NT5C2: variants seen among roughly 807,000 people sequenced by gnomAD.
The protein encoded by NT5C2 is 5'-nucleotidase, cytosolic II.
In NT5C2, 58 loss-of-function variants were observed where a neutral mutation model predicts 76.1. That is an observed-to-expected ratio of 0.76 (90% CI 0.62 to 0.95). The LOEUF is 0.95. Ranked by LOEUF, NT5C2 falls within the 40% of genes least tolerant of loss-of-function variation. NT5C2 has a pLI of 0.00. For missense variants in NT5C2, 478 were observed against 690.3 expected (o/e 0.69, Z 3.45); for synonymous variants, 229 against 237.4 (o/e 0.96, Z 0.32).
chr10:103,131,064 T>C (rs906530219), intron 4 of NT5C2, among the ~76,000 whole-genome samples: 1 of 152,202 alleles, frequency 6.6e-6, no homozygotes, highest in African/African-American at 2.4e-5. Flanking sequence ...TAGGCAAATT[T>C]ACAGTGTGAT....
At chr10:103,118,383 G>T (rs1199730096) in intron 4 of NT5C2, among the ~76,000 whole-genome samples, 1 of 140,596 alleles carries the variant, frequency 7.1e-6, no homozygotes, top group African/African-American at 2.7e-5. Flanking sequence ...TTTTGGATAG[G>T]TCTCATTCTG....
Position 103,090,959 on chromosome 10 carries a change from T to C in NT5C2, c.1249A>G (p.Ser417Gly). ...DSSSNERPDI[S>G]SIQRRIKKVT... ...ACCTTAATACGTCTCTGGATGGAAC[T>C]GATGTCTGGACGCTCATTGCTACTG... is the stretch of plus-strand genomic sequence containing the variant. Residue 417 changes from serine to glycine, a missense_variant, in exon 17 of 19, where the codon AGT becomes GGT. By Grantham distance (56) the Ser-to-Gly change is moderately conservative (BLOSUM62 0). Transcript: ENST00000404739. 1 of 1,614,050 alleles carries C rather than the reference T, an allele frequency of 6.2e-7. No homozygotes were observed.
rs781108756 is a variant in NT5C2, at chr10:103,105,696, C to G, written c.389+10G>C. ...ACATTAGAAAGAGGCTAAAGGTTCTCTGTACTCACCCCCTTATAAAGTTAA... is the reference window on the plus strand; with the variant it reads ...ACATTAGAAAGAGGCTAAAGGTTCTGTGTACTCACCCCCTTATAAAGTTAA... On this transcript the variant is annotated intron_variant, in intron 6 of 18. Coordinates refer to ENST00000404739, the MANE Select transcript of NT5C2 (RefSeq NM_001351169.2). 16 of 1,573,870 alleles carry G rather than the reference C, an allele frequency of 1.0e-5. No homozygotes were observed. In the East Asian group the frequency reaches 2.5e-4, roughly 24 times the overall value.
intron 1 of NT5C2, among the ~76,000 whole-genome samples, chr10:103,187,155 C>A (rs1269687190): frequency 6.6e-6 from 1 of 152,044 alleles, no homozygotes; most frequent in Non-Finnish European, 1.5e-5. Context: ...GAGGCTGAGG[C>A]AGGAGAATCG....
chr10:103,135,743 G>A (rs964325742), intron 4 of NT5C2, among the ~76,000 whole-genome samples: 5 of 151,166 alleles, frequency 3.3e-5, no homozygotes, highest in South Asian at 2.1e-4. Flanking sequence ...AGCTGAGATC[G>A]CACCACTGCA....
chr10:103,123,037 C>T (rs962455713), intron 4 of NT5C2, among the ~76,000 whole-genome samples: 13 of 152,144 alleles, frequency 8.5e-5, no homozygotes, highest in Middle Eastern at 3.4e-3. Flanking sequence ...TTATAGGGGC[C>T]GCAACCATGA....
chr10:103,115,141 C>T (rs1445591041), intron 4 of NT5C2, among the ~76,000 whole-genome samples: 1 of 152,224 alleles, frequency 6.6e-6, no homozygotes, highest in Non-Finnish European at 1.5e-5. Flanking sequence ...TGGCTCACGC[C>T]TATAACCCCA....
Position 103,091,015 on chromosome 10 carries a change from C to G in NT5C2, c.1212-19G>C. 6.2e-7 allele frequency: 1 copy of G among 1,609,354 alleles called. No individual in the cohort carries two copies. The highest frequency in any genetic ancestry group is 8.5e-7 in the Non-Finnish European group (1 of 1,177,488). ...AAGATGCCTAAAGATAAAAGAAAAA[C>G]TCAGTGAAAATCTCTGGGAAGAGCT... On this transcript the variant is annotated intron_variant, in intron 16 of 18. Transcript: ENST00000404739.
chr10:103,127,103 A>G (rs1365599677), intron 4 of NT5C2, among the ~76,000 whole-genome samples: 3 of 152,034 alleles, frequency 2.0e-5, no homozygotes, highest in Non-Finnish European at 4.4e-5. Flanking sequence ...CATGGGAGCC[A>G]GTGCCTTTAG....
At chr10:103,173,708 C>T (rs1453719739) in intron 3 of NT5C2, among the ~76,000 whole-genome samples, 1 of 150,678 alleles carries the variant, frequency 6.6e-6, no homozygotes, top group Non-Finnish European at 1.5e-5. Context: ...AGGTGGATCA[C>T]GAGGTCTGGA....
At chr10:103,177,974 C>T (rs1478664920) in intron 2 of NT5C2, among the ~76,000 whole-genome samples, 3 of 152,208 alleles carry the variant, frequency 2.0e-5, no homozygotes. Context: ...CCAATCTGGA[C>T]TCTGTCTCTG....
chr10:103,092,155 C>T (rs12220743), intron 15 of NT5C2, among the ~76,000 whole-genome samples: 14,308 of 152,286 alleles, frequency 0.094, 879 homozygotes, highest in East Asian at 0.28. Context: ...CGGTGTGTTG[C>T]AGCCTTTGTC....
At chr10:103,141,569 G>A (rs2080433413) in intron 3 of NT5C2, among the ~76,000 whole-genome samples, 1 of 152,078 alleles carries the variant, frequency 6.6e-6, no homozygotes, top group Non-Finnish European at 1.5e-5. Context: ...ATTGTGTCCT[G>A]GCATTAAAAA....
intron 3 of NT5C2, chr10:103,153,457 C>G: frequency 1.0e-6 from 1 of 985,414 alleles, no homozygotes; most frequent in African/African-American, 1.7e-5. Flanking sequence ...CCTAACTAGG[C>G]AATATCTCAG....
intron 2 of NT5C2, among the ~76,000 whole-genome samples, chr10:103,176,280 T>C (rs371967255): frequency 9.2e-5 from 14 of 152,302 alleles, no homozygotes; most frequent in African/African-American, 3.4e-4. Flanking sequence ...TAAGGCCAGC[T>C]GAAGATAGGC....
At chr10:103,116,108 C>T (rs1045816769) in intron 4 of NT5C2, among the ~76,000 whole-genome samples, 13 of 151,808 alleles carry the variant, frequency 8.6e-5, no homozygotes, top group Non-Finnish European at 1.6e-4. Context: ...ACTAAAGGAC[C>T]TTAACATTTA....
intron 4 of NT5C2, among the ~76,000 whole-genome samples, chr10:103,137,483 TC>T (rs1244437315): frequency 3.3e-5 from 5 of 152,250 alleles, no homozygotes; most frequent in African/African-American, 1.2e-4. Flanking sequence ...TAGCAAGTAC[TC>T]CCGTAATTTC....
At chr10:103,185,226 G>A (rs989032277) in intron 1 of NT5C2, among the ~76,000 whole-genome samples, 4 of 152,028 alleles carry the variant, frequency 2.6e-5, no homozygotes, top group Non-Finnish European at 4.4e-5. Flanking sequence ...TCTTCAAAAC[G>A]TTGCCATAAT....
intron 3 of NT5C2, among the ~76,000 whole-genome samples, chr10:103,141,264 C>T (rs569164040): frequency 6.6e-5 from 10 of 152,248 alleles, no homozygotes; most frequent in East Asian, 5.8e-4. Flanking sequence ...CTAGACCAGC[C>T]TAGGTTAACA....
Sources: gnomAD v4.1 joint callset for allele counts (sites outside exome capture counted in the v4.1 genomes callset) on GRCh38, gnomAD v4.1.1 for gene constraint, MANE v1.5 for transcripts, NCBI Gene and HGNC (gene_info 2026-07-23, HGNC 2026-07-21) for gene names.